Variants in SUZ12 observed in about 807,000 individuals in gnomAD.
SUZ12 encodes polycomb protein SUZ12.
In SUZ12, 17 loss-of-function variants were observed where a neutral mutation model predicts 87.3. The ratio of observed to expected loss-of-function variants is 0.19; its 90% CI spans 0.13 to 0.29. The LOEUF (loss-of-function observed/expected upper bound fraction) is 0.29. SUZ12 is among the 10% of genes least tolerant of loss of function. The probability of loss-of-function intolerance (pLI) is 1.00; values close to 1 mark genes in which losing one functional copy is unlikely to be tolerated. For missense variants in SUZ12, 526 were observed against 912.2 expected, an observed-to-expected ratio of 0.58 and a Z score of 5.45; for synonymous variants, 253 against 312.4, an observed-to-expected ratio of 0.81 and a Z score of 2.01.
intron 10 of SUZ12, among the ~76,000 whole-genome samples, chr17:31,991,446 G>T (rs745855867): frequency 3.3e-5 from 5 of 151,640 alleles, no homozygotes; most frequent in Admixed American, 6.6e-5. Context: ...AGAATACTCA[G>T]AAACCAGTGA....
rs1472786928 is a variant in SUZ12 at position 31,999,105 on chromosome 17, G to A, written c.*102G>A. 3.0e-6 allele frequency: 3 copies of A among 988,602 alleles called. No individual in the cohort carries two copies. Among genetic ancestry groups the A allele is most frequent in the Non-Finnish European group, 2.8e-6 (2 of 702,044 alleles). The allele number at this position is 988,602 out of a possible 1,614,324, so 61.2% of individuals were successfully genotyped here. A position where few individuals can be genotyped will look rare whatever the true frequency, so the allele number is the denominator to read the frequency against. On this transcript the variant is annotated 3_prime_UTR_variant, in exon 16 of 16. Coordinates refer to ENST00000322652, the MANE Select transcript of SUZ12 (RefSeq NM_015355.4). ...GTTTTTAATCATATGTTCCAAACAG[G>A]CACTGTTAGATGAAGTAAATGATTT... is the stretch of plus-strand genomic sequence containing the variant.
intron 8 of SUZ12, among the ~76,000 whole-genome samples, chr17:31,980,833 G>A (rs1476353560): frequency 6.6e-6 from 1 of 151,962 alleles, no homozygotes; most frequent in Non-Finnish European, 1.5e-5. Flanking sequence ...GTATTTTTAA[G>A]CCAAAATCTG....
chr17:31,947,624 T>C lies in SUZ12; in HGVS notation c.394T>C (p.Phe132Leu). 1 of 1,599,542 alleles carries C rather than the reference T, an allele frequency of 6.3e-7. No individual in the cohort carries two copies. Among genetic ancestry groups the C allele is most frequent in the Non-Finnish European group, 8.5e-7 (1 of 1,172,462 alleles). The change falls in exon 4 of 16, where the codon TTT becomes CTT. Residue 132 changes from phenylalanine (F) to leucine (L), a missense_variant. Transcript: ENST00000322652. ...NSRTNIKRKT[F>L]KVDDMLSKVE... ...TTTATCTGTTTCTTCCAGGAAAACA[T>C]TTAAAGTTGATGATATGTTATCAAA...
Position 31,997,070 on chromosome 17 carries a change from G to A in SUZ12, c.1874+193G>A, listed in dbSNP as rs139760636. Among the ~76,000 whole-genome samples, 3 of 151,636 alleles carry A rather than the reference G, an allele frequency of 2.0e-5. No individual in the cohort carries two copies. The East Asian group carries it at 5.8e-4, about 29-fold the overall frequency. On this transcript the variant is annotated intron_variant, in intron 15 of 15. Transcript: ENST00000322652. ...TTTAGGTACAAAGACGTTCCTTTTG[G>A]TATTATTTATAACAATGAATTAATA... is the stretch of plus-strand genomic sequence containing the variant.
intron 4 of SUZ12, among the ~76,000 whole-genome samples, chr17:31,948,891 T>C (rs1906786272): frequency 6.6e-6 from 1 of 152,218 alleles, no homozygotes; most frequent in African/African-American, 2.4e-5. Flanking sequence ...CATTTTTCTT[T>C]ACTAGAATTT....
intron 3 of SUZ12, among the ~76,000 whole-genome samples, chr17:31,944,090 G>C (rs1405554788): frequency 6.6e-6 from 1 of 151,994 alleles, no homozygotes; most frequent in Non-Finnish European, 1.5e-5. Context: ...TATAAAATAA[G>C]TTTGCATTCA....
chr17:31,954,165 C>T (rs1174893817), intron 4 of SUZ12, among the ~76,000 whole-genome samples: 1 of 152,040 alleles, frequency 6.6e-6, no homozygotes, highest in Non-Finnish European at 1.5e-5. Flanking sequence ...TGGGTTCAAG[C>T]TATTCTCCTG....
chr17:31,937,361 G>A lies in SUZ12; in HGVS notation c.115G>A (p.Gly39Ser), dbSNP rs1001318910. 2.9e-4 allele frequency: 441 copies of A among 1,500,190 alleles called. No individual in the cohort carries two copies. The highest frequency in any genetic ancestry group is 3.6e-4 in the Non-Finnish European group (403 of 1,127,570). 92.9% of individuals were successfully genotyped at this position (1,500,190 alleles called of 1,614,324 possible). A position where few individuals can be genotyped will look rare whatever the true frequency, so the allele number is the denominator to read the frequency against. The change falls in exon 1 of 16, where the codon GGC (glycine) becomes AGC (serine). Residue 39 changes from glycine to serine, a missense_variant. By Grantham distance (56) the Gly-to-Ser change is moderately conservative. Around this residue, in one of 9 missense-constraint regions of SUZ12, gnomAD observed 92 missense variants for 109.9 expected, o/e 0.84. Transcript: ENST00000322652. ...AAVAAATASG[G>S]KSGGGSCGGG... ...GGTGGCGGCGGCGACGGCTTCGGGC[G>A]GCAAATCCGGCGGCGGGAGCTGTGG...
At chr17:31,996,302 A>G (rs562888390) in intron 14 of SUZ12, among the ~76,000 whole-genome samples, 3 of 152,240 alleles carry the variant, frequency 2.0e-5, no homozygotes, top group East Asian at 3.9e-4. Flanking sequence ...TTTATAGGTA[A>G]TCGTAATTTA....
chr17:31,998,605 C>A, intron 15 of SUZ12, 53 bp from the exon 16 acceptor site: 3 of 1,325,282 alleles, frequency 2.3e-6, no homozygotes, highest in Non-Finnish European at 3.0e-6. Flanking sequence ...ATCACTGTTG[C>A]ATTTGACAAA....
At chr17:31,979,509 T>C (rs2142187079) in intron 8 of SUZ12, among the ~76,000 whole-genome samples, 1 of 152,320 alleles carries the variant, frequency 6.6e-6, no homozygotes, top group Non-Finnish European at 1.5e-5. Flanking sequence ...CTAGCCTTTC[T>C]CCCTACCTTC....
At position 31,998,906 on chromosome 17, in the gene SUZ12, C is replaced by T; in HGVS notation, c.2123C>T (p.Thr708Ile). 1 of 1,613,494 alleles carries T rather than the reference C, an allele frequency of 6.2e-7. No individual in the cohort carries two copies. ...GAAATAACTGAAGAACAAAATGGGA[C>T]AGCAAATGGATTTAGTGAAATTAAC... is the stretch of plus-strand genomic sequence containing the variant. ...NEEITEEQNG[T>I]ANGFSEINSK... Residue 708 changes from threonine (T) to isoleucine (I), a missense_variant, in exon 16 of 16, where the codon ACA (threonine) becomes ATA (isoleucine). By Grantham distance (89) the Thr-to-Ile change is moderately conservative. This residue lies in a region of SUZ12 where 56 missense variants were observed against 56.6 expected (regional missense o/e 0.99). Coordinates refer to ENST00000322652, the MANE Select transcript of SUZ12 (RefSeq NM_015355.4).
chr17:31,998,874 A>G lies in SUZ12; in HGVS notation c.2091A>G (p.Ala697=). The G allele has an allele frequency of 1.9e-6, 3 of 1,613,644 alleles. No homozygotes were observed. The highest frequency in any genetic ancestry group is 2.5e-6 in the Non-Finnish European group (3 of 1,179,888). The stretch of plus-strand genomic sequence containing the variant: ...AAAAGGGGGAATCTGCTTCCCCTGC[A>G]AACGAAGAAATAACTGAAGAACAAA... ...KLEKGESASP[A]NEEITEEQNG... Residue 697 remains alanine, a synonymous_variant, in exon 16 of 16, where the codon GCA becomes GCG. Coordinates refer to ENST00000322652, the MANE Select transcript of SUZ12 (RefSeq NM_015355.4).
At chr17:31,993,167 A>G (rs1909809123) in intron 10 of SUZ12, 75 bp from the exon 11 acceptor site, 1 of 867,464 alleles carries the variant, frequency 1.2e-6, no homozygotes, top group African/African-American at 1.8e-5. Context: ...TTAATATTTA[A>G]TAGTTTTTGT....
At chr17:31,993,375 T>C (rs1909819478) in intron 11 of SUZ12, 42 bp downstream of exon 11, 3 of 1,274,346 alleles carry the variant, frequency 2.4e-6, no homozygotes, top group Non-Finnish European at 3.3e-6. Context: ...ATGAAATGTA[T>C]TTGTTTTTTG....
At position 31,999,828 on chromosome 17, in the gene SUZ12, A is replaced by G. The variant is rs774584355; in HGVS notation, c.*825A>G. 4.3e-6 allele frequency: 1 copy of G among 232,264 alleles called. No individual in the cohort carries two copies. Among genetic ancestry groups the G allele is most frequent in the Non-Finnish European group, 8.5e-6 (1 of 117,652 alleles). 14.4% of individuals were successfully genotyped at this position (232,264 alleles called of 1,614,324 possible). A position where few individuals can be genotyped will look rare whatever the true frequency, so the allele number is the denominator to read the frequency against. ...TCACACGGAAAATTAAGCTGTTCAT[A>G]TCTTTAAATTAGGATTGCAAACCAA... On this transcript the variant is annotated 3_prime_UTR_variant, in exon 16 of 16. Coordinates refer to ENST00000322652, the MANE Select transcript of SUZ12 (RefSeq NM_015355.4).
At chr17:31,994,080 G>T in intron 12 of SUZ12, 72 bp downstream of exon 12, 1 of 1,415,618 alleles carries the variant, frequency 7.1e-7, no homozygotes, top group Non-Finnish European at 9.4e-7. Context: ...ATACATCTAT[G>T]TACCCACAAA....
At chr17:31,998,078 ATT>A (rs532761317) in intron 15 of SUZ12, among the ~76,000 whole-genome samples, 13 of 136,504 alleles carry the variant, frequency 9.5e-5, no homozygotes, top group Non-Finnish European at 4.7e-5. Context: ...TCTCTACTAA[ATT>A]TTTTTTTTTT....
At chr17:31,974,634 G>C (rs1227962062) in intron 6 of SUZ12, among the ~76,000 whole-genome samples, 1 of 152,070 alleles carries the variant, frequency 6.6e-6, no homozygotes, top group Admixed American at 6.6e-5. Context: ...AATGTATCGG[G>C]GTAATCATTT....
Sources: allele counts gnomAD v4.1 joint callset (sites outside exome capture counted in the v4.1 genomes callset), GRCh38; gene constraint gnomAD v4.1.1; regional missense constraint gnomAD v4.1.1; transcripts MANE v1.5; gene names NCBI Gene and HGNC (gene_info 2026-07-23, HGNC 2026-07-21).